RTN1: variants seen among roughly 807,000 people sequenced by gnomAD.
The protein encoded by RTN1 is reticulon 1.
Under a neutral mutation model 65.5 loss-of-function variants are expected in RTN1, and 25 were observed. The observed-to-expected ratio is 0.38, with a 90% confidence interval of 0.28 to 0.53. RTN1 has a LOEUF of 0.53. Among genes scored for constraint, RTN1 ranks in the 20% least tolerant of loss-of-function variants. The pLI, the probability that RTN1 is intolerant of heterozygous loss-of-function variation, is 0.79. For synonymous variants in RTN1, 471 were observed against 447.6 expected, an observed-to-expected ratio of 1.05 and a Z score of -0.66; for missense variants, 983 against 1,025.4, an observed-to-expected ratio of 0.96 and a Z score of 0.57.
Position 59,608,155 on chromosome 14 carries a change from T to TA in RTN1, c.1766-664dup, listed in dbSNP as rs1008720354. Among the ~76,000 whole-genome samples the TA allele has an allele frequency of 6.0e-4, 91 of 151,446 alleles. 1 individual carries two copies. The highest frequency in any genetic ancestry group is 1.8e-3 in the Admixed American group (27 of 15,198). ...CTTTAAATATTCCAGTCCCGGGATA[T>TA]AAAAAAAAATAGCATAAAACCCTTA... On this transcript the variant is annotated intron_variant, in intron 3 of 8. Coordinates refer to ENST00000267484, the MANE Select transcript of RTN1 (RefSeq NM_021136.3).
chr14:59,721,005 C>A (rs1884635629), intron 3 of RTN1, among the ~76,000 whole-genome samples: 1 of 145,702 alleles, frequency 6.9e-6, no homozygotes, highest in East Asian at 2.0e-4. Flanking sequence ...GGTATAATGA[C>A]TTTTTTTTTT....
At chr14:59,819,681 G>T (rs911343296) in intron 1 of RTN1, among the ~76,000 whole-genome samples, 1 of 152,042 alleles carries the variant, frequency 6.6e-6, no homozygotes, top group Non-Finnish European at 1.5e-5. Context: ...TGGGGGCTCC[G>T]GCATGGCGGG....
At chr14:59,619,014 G>T (rs867414440) in intron 3 of RTN1, among the ~76,000 whole-genome samples, 2 of 152,192 alleles carry the variant, frequency 1.3e-5, no homozygotes, top group South Asian at 4.1e-4. Flanking sequence ...GGTGGCAAAA[G>T]TTGAGTTTAA....
Position 59,596,593 on chromosome 14 carries a change from C to T in RTN1, c.*152G>A, listed in dbSNP as rs1027103226. ...TCAAATATCCTAAGAGTACAAGGAA[C>T]AGCCTAAAAACAGCTGTTTTAAGGT... On this transcript the variant is annotated 3_prime_UTR_variant, in exon 9 of 9. Coordinates refer to ENST00000267484, the MANE Select transcript of RTN1 (RefSeq NM_021136.3). 1.0e-4 allele frequency: 67 copies of T among 655,410 alleles called. No individual in the cohort carries two copies. In the Admixed American group the frequency reaches 1.5e-3, roughly 15 times the overall value. The allele number at this position is 655,410 out of a possible 1,614,324, so 40.6% of individuals were successfully genotyped here. A position where few individuals can be genotyped will look rare whatever the true frequency, so the allele number is the denominator to read the frequency against.
At chr14:59,628,610 A>G (rs1254565288) in intron 3 of RTN1, among the ~76,000 whole-genome samples, 1 of 152,236 alleles carries the variant, frequency 6.6e-6, no homozygotes, top group African/African-American at 2.4e-5. Context: ...ACTAAAGATG[A>G]CCAAAGGTCG....
chr14:59,668,500 C>G (rs1213833737), intron 3 of RTN1, among the ~76,000 whole-genome samples: 6 of 152,136 alleles, frequency 3.9e-5, no homozygotes, highest in Admixed American at 3.3e-4. Flanking sequence ...CATAAAAACC[C>G]TAGAAGAAAT....
At chr14:59,867,942 G>A (rs1309748283) in intron 1 of RTN1, among the ~76,000 whole-genome samples, 1 of 152,166 alleles carries the variant, frequency 6.6e-6, no homozygotes, top group Non-Finnish European at 1.5e-5. Flanking sequence ...CTTGATCTTA[G>A]ATTTCTCAGC....
At chr14:59,853,915 A>G (rs2139666729) in intron 1 of RTN1, among the ~76,000 whole-genome samples, 1 of 135,980 alleles carries the variant, frequency 7.4e-6, no homozygotes, top group South Asian at 2.3e-4. Context: ...CCCAGGCTGG[A>G]GTGCAGAAGT....
intron 3 of RTN1, among the ~76,000 whole-genome samples, chr14:59,677,628 C>T (rs1388685922): frequency 2.6e-5 from 4 of 152,222 alleles, no homozygotes; most frequent in Admixed American, 1.3e-4. Flanking sequence ...AATTCTGGTC[C>T]TGAGGCGGGA....
intron 3 of RTN1, among the ~76,000 whole-genome samples, chr14:59,664,655 A>G (rs1421854849): frequency 6.6e-6 from 1 of 152,176 alleles, no homozygotes; most frequent in East Asian, 1.9e-4. Context: ...ATGTTTTGAC[A>G]TCTTCAGAGG....
chr14:59,722,801 T>C (rs1476731254), intron 3 of RTN1, among the ~76,000 whole-genome samples: 1 of 151,268 alleles, frequency 6.6e-6, no homozygotes, highest in Non-Finnish European at 1.5e-5. Context: ...TTTAACTTTT[T>C]TTTTTTTTTT....
At position 59,836,384 on chromosome 14, in the gene RTN1, T is replaced by C. The variant is rs763621528; in HGVS notation, c.241+34006A>G. Among the ~76,000 whole-genome samples the C allele has an allele frequency of 3.3e-5, 5 of 152,218 alleles. No individual in the cohort carries two copies. Among genetic ancestry groups the C allele is most frequent in the Non-Finnish European group, 5.9e-5 (4 of 68,036 alleles). On this transcript the variant is annotated intron_variant, in intron 1 of 8. Transcript: ENST00000267484. The surrounding 1 kb of genome is among the most constrained non-coding windows in gnomAD (Gnocchi z 4.9). Reference sequence around the variant, plus strand: ...GAGGTTGGTCCCATTGTCCCCATTATAGAGATGAGGACTCTCAGGCACAGA... The same window carrying C: ...GAGGTTGGTCCCATTGTCCCCATTACAGAGATGAGGACTCTCAGGCACAGA...
chr14:59,724,169 GGAGGA>G (rs1884707174), intron 3 of RTN1, among the ~76,000 whole-genome samples: 1 of 152,158 alleles, frequency 6.6e-6, no homozygotes, highest in Non-Finnish European at 1.5e-5. Flanking sequence ...GGGCATACAA[GGAGGA>G]AAACTGAAGC....
chr14:59,841,133 T>C (rs935393948), intron 1 of RTN1, among the ~76,000 whole-genome samples: 4 of 152,152 alleles, frequency 2.6e-5, no homozygotes, highest in Non-Finnish European at 5.9e-5. Context: ...GAATATCAGC[T>C]CTGAGTAGAA....
intron 1 of RTN1, among the ~76,000 whole-genome samples, chr14:59,866,636 C>T (rs891809897): frequency 1.7e-4 from 26 of 152,218 alleles, no homozygotes; most frequent in Admixed American, 1.6e-3. Context: ...AGAGGATATG[C>T]CCACAGAAAT....
Position 59,746,262 on chromosome 14 carries a change from G to C in RTN1, c.461C>G (p.Pro154Arg), listed in dbSNP as rs1157852467. ...AAATAAGCCACGAGACTCTATCCCA[G>C]GCACATCTGGTAAGGAGGGGCCGGG... ...GTPGPSLPDVPGIESRGLFSS... is the reference protein window; with the variant it reads ...GTPGPSLPDVRGIESRGLFSS... Residue 154 changes from proline to arginine, a missense_variant, in exon 2 of 9, where the codon CCT (proline) becomes CGT (arginine). By Grantham distance (103) the Pro-to-Arg change is moderately radical. This residue lies in a region of RTN1 where 818 missense variants were observed against 801.8 expected (regional missense o/e 1.02). Transcript: ENST00000267484. 2.5e-6 allele frequency: 4 copies of C among 1,613,318 alleles called. No individual in the cohort carries two copies. The African/African-American group carries it at 5.3e-5, about 22-fold the overall frequency.
chr14:59,818,967 G>T (rs565174824), intron 1 of RTN1, among the ~76,000 whole-genome samples: 1 of 152,192 alleles, frequency 6.6e-6, no homozygotes, highest in Admixed American at 6.5e-5. Flanking sequence ...AAGGCAGCGC[G>T]TCTGGAATTG....
intron 3 of RTN1, among the ~76,000 whole-genome samples, chr14:59,675,447 G>C (rs943026058): frequency 6.8e-6 from 1 of 146,670 alleles, no homozygotes; most frequent in African/African-American, 2.5e-5. Flanking sequence ...TAGGACTTGG[G>C]GGGGGGGCGC....
In RTN1 at chr14:59,603,187, T is replaced by C. The variant is rs78718451; in HGVS notation, c.2229+25A>G. 9.6e-4 allele frequency: 1,544 copies of C among 1,611,608 alleles called. 18 individuals are homozygous for C. The African/African-American group carries it at 0.018, about 19-fold the overall frequency. On this transcript the variant is annotated intron_variant, in intron 7 of 8. Coordinates refer to ENST00000267484, the MANE Select transcript of RTN1 (RefSeq NM_021136.3). ...ATGATGAGGTCAAAATTCAATGCCA[T>C]TTTTTGACATCACATAGAACTTACC... is the stretch of plus-strand genomic sequence containing the variant.
Sources: gnomAD v4.1 joint callset for allele counts (sites outside exome capture counted in the v4.1 genomes callset) on GRCh38, gnomAD v4.1.1 for gene constraint, gnomAD v4.1.1 regional missense constraint, Gnocchi (gnomAD v3.1) non-coding constraint, MANE v1.5 for transcripts, NCBI Gene and HGNC (gene_info 2026-07-23, HGNC 2026-07-21) for gene names.